The following USP49 variants were observed in gnomAD, a reference collection of about 807,000 sequenced individuals.
USP49 encodes ubiquitin carboxyl-terminal hydrolase 49.
A neutral mutation model predicts 58.6 loss-of-function variants in USP49; 24 were observed. That is an observed-to-expected ratio of 0.41 (90% CI 0.30 to 0.58). The LOEUF (loss-of-function observed/expected upper bound fraction) is 0.58, where lower values mean the gene tolerates loss of function less well. Ranked by LOEUF, USP49 falls within the 20% of genes least tolerant of loss-of-function variation. The pLI, the probability that USP49 is intolerant of heterozygous loss-of-function variation, is 0.30. For synonymous variants in USP49, 408 were observed against 365.1 expected (o/e 1.12, Z -1.34); for missense variants, 703 against 866.1 (o/e 0.81, Z 2.36).
chr6:41,866,576 T>G, intron 3 of USP49, among the ~76,000 whole-genome samples: 1 of 152,202 alleles, frequency 6.6e-6, no homozygotes, highest in East Asian at 1.9e-4. Context: ...ATCATGACTT[T>G]CAACCCACAC....
rs375740953 is a variant in USP49 at position 41,850,823 on chromosome 6, G to A, written c.-29+20741C>T. Among the ~76,000 whole-genome samples, 27 of 151,982 alleles carry A rather than the reference G, an allele frequency of 1.8e-4. No homozygotes were observed. The South Asian group carries it at 3.8e-3, about 21-fold the overall frequency. On this transcript the variant is annotated intron_variant, in intron 3 of 7. Transcript: ENST00000682992. ...TCACCATGTTGGCCAGGCTGGTCTC[G>A]ATCTCTTGACCTCCTGATCCGCCCA...
chr6:41,836,558 A>G (rs769502343), intron 3 of USP49, among the ~76,000 whole-genome samples: 2 of 152,224 alleles, frequency 1.3e-5, no homozygotes, highest in African/African-American at 2.4e-5. Context: ...AAGGCATCCA[A>G]ATAGGAAGAG....
intron 3 of USP49, among the ~76,000 whole-genome samples, chr6:41,808,736 T>G (rs1000583045): frequency 6.6e-6 from 1 of 151,656 alleles, no homozygotes; most frequent in Admixed American, 6.6e-5. Flanking sequence ...AAAAGAAAAC[T>G]TTTATATCTT....
At chr6:41,860,351 T>C (rs1436306463) in intron 3 of USP49, among the ~76,000 whole-genome samples, 1 of 152,076 alleles carries the variant, frequency 6.6e-6, no homozygotes, top group African/African-American at 2.4e-5. Context: ...AATTGCAACA[T>C]TTGAACTTTA....
intron 3 of USP49, among the ~76,000 whole-genome samples, chr6:41,837,691 A>G (rs772567556): frequency 6.6e-6 from 1 of 152,222 alleles, no homozygotes; most frequent in Admixed American, 6.5e-5. Context: ...ATGGGAGAAA[A>G]TATTTGCAAG....
intron 2 of USP49, among the ~76,000 whole-genome samples, chr6:41,880,813 A>G (rs1334922285): frequency 6.6e-6 from 1 of 152,184 alleles, no homozygotes; most frequent in African/African-American, 2.4e-5. Context: ...CAAGGAAAAC[A>G]GGGGGTTCTC....
intron 3 of USP49, among the ~76,000 whole-genome samples, chr6:41,871,116 G>A (rs928175182): frequency 6.6e-6 from 1 of 152,078 alleles, no homozygotes; most frequent in African/African-American, 2.4e-5. Context: ...ACCTCCCAAA[G>A]CAGAATTCTA....
rs371734420 is a variant in USP49 at position 41,840,327 on chromosome 6, T to TGGAAAA, written c.-29+31236_-29+31237insTTTTCC. Among the ~76,000 whole-genome samples, 6 of 149,870 alleles carry TGGAAAA rather than the reference T, an allele frequency of 4.0e-5. No homozygotes were observed. In the East Asian group the frequency reaches 1.2e-3, roughly 29 times the overall value. ...AGGCGGAGCTTGCAGTGAGCCGAGA[T>TGGAAAA]TACACCACTGCACTCCAGCCTGGGC... On this transcript the variant is annotated intron_variant, in intron 3 of 7. Coordinates refer to ENST00000682992, the MANE Select transcript of USP49 (RefSeq NM_001286554.2).
intron 3 of USP49, among the ~76,000 whole-genome samples, chr6:41,850,696 C>G (rs1372635945): frequency 1.3e-5 from 2 of 151,330 alleles, no homozygotes; most frequent in Non-Finnish European, 2.9e-5. Flanking sequence ...CCTCCGCCTC[C>G]TGGGTTCCAG....
At chr6:41,828,768 T>C (rs1773585436) in intron 3 of USP49, among the ~76,000 whole-genome samples, 1 of 152,198 alleles carries the variant, frequency 6.6e-6, no homozygotes, top group South Asian at 2.1e-4. Flanking sequence ...TATGAAATCC[T>C]TTCTTATGCC....
At chr6:41,799,008 G>A in intron 6 of USP49, 79 bp from the exon 7 acceptor site, 1 of 1,496,860 alleles carries the variant, frequency 6.7e-7, no homozygotes. Context: ...TAATAAAACA[G>A]GAAACTGAGA....
In USP49 at chr6:41,891,875, T is replaced by C. The variant is rs1774816100; in HGVS notation, c.-184A>G. On this transcript the variant is annotated splice_region_variant and 5_prime_UTR_variant, in exon 2 of 8. Coordinates refer to ENST00000682992, the MANE Select transcript of USP49 (RefSeq NM_001286554.2). ...TCAAGGTCTCTTCCCATCCAAAGAA[T>C]CTACGGTTAACCAGGAAAACATTTA... The C allele has an allele frequency of 6.6e-6, 1 of 152,196 alleles. No homozygotes were observed. Among genetic ancestry groups the C allele is most frequent in the Non-Finnish European group, 1.5e-5 (1 of 68,026 alleles). The allele number at this position is 152,196 out of a possible 1,614,324, so 9.4% of individuals were successfully genotyped here. A position where few individuals can be genotyped will look rare whatever the true frequency, so the allele number is the denominator to read the frequency against.
At chr6:41,831,155 G>A (rs1296856215) in intron 3 of USP49, among the ~76,000 whole-genome samples, 1 of 152,140 alleles carries the variant, frequency 6.6e-6, no homozygotes, top group Non-Finnish European at 1.5e-5. Context: ...ACTTTGGGAG[G>A]CTGAGGCGGG....
chr6:41,833,318 G>A (rs1397405588), intron 3 of USP49, among the ~76,000 whole-genome samples: 1 of 151,916 alleles, frequency 6.6e-6, no homozygotes, highest in Non-Finnish European at 1.5e-5. Context: ...GCCCGGCCTT[G>A]ACACAGTATT....
intron 4 of USP49, 68 bp downstream of exon 4, chr6:41,805,560 G>T: frequency 6.6e-7 from 1 of 1,506,842 alleles, no homozygotes; most frequent in Non-Finnish European, 9.0e-7. Context: ...AATAACCCGG[G>T]GAAGGCACTC....
chr6:41,870,928 G>C (rs1582033037), intron 3 of USP49, among the ~76,000 whole-genome samples: 1 of 151,984 alleles, frequency 6.6e-6, no homozygotes, highest in East Asian at 1.9e-4. Flanking sequence ...GCGGGTGCCT[G>C]TAGTTCCAGC....
chr6:41,834,499 T>G (rs1462125827), intron 3 of USP49, among the ~76,000 whole-genome samples: 1 of 152,190 alleles, frequency 6.6e-6, no homozygotes, highest in African/African-American at 2.4e-5. Context: ...TGTTGAATTG[T>G]AATCCCCAGT....
chr6:41,855,179 G>C (rs1049511544), intron 3 of USP49, among the ~76,000 whole-genome samples: 3 of 151,488 alleles, frequency 2.0e-5, no homozygotes, highest in African/African-American at 7.3e-5. Context: ...TTCTGCTATA[G>C]AGACTTTTTT....
chr6:41,800,208 C>G (rs2127318386), intron 5 of USP49, among the ~76,000 whole-genome samples: 1 of 152,296 alleles, frequency 6.6e-6, no homozygotes, highest in East Asian at 1.9e-4. Flanking sequence ...TAAGGCACAT[C>G]CCTTTGGCCT....
Sources: allele counts gnomAD v4.1 joint callset (sites outside exome capture counted in the v4.1 genomes callset), GRCh38; gene constraint gnomAD v4.1.1; transcripts MANE v1.5; gene names NCBI Gene and HGNC (gene_info 2026-07-23, HGNC 2026-07-21).